Variants in ARRB2 observed in about 807,000 individuals in gnomAD.
ARRB2 encodes arrestin beta 2, also known as beta-arrestin-2.
In ARRB2, 21 loss-of-function variants were observed where a neutral mutation model predicts 53.4. The observed-to-expected ratio is 0.39, with a 90% confidence interval of 0.28 to 0.57. ARRB2 has a LOEUF of 0.57. Among genes scored for constraint, ARRB2 ranks in the 20% least tolerant of loss-of-function variants. ARRB2 has a pLI of 0.55. For synonymous variants in ARRB2, 180 were observed against 212.9 expected (o/e 0.85, Z 1.34); for missense variants, 369 against 527.5 (o/e 0.70, Z 2.94).
intron 1 of ARRB2, 92 bp downstream of exon 1, chr17:4,710,836 T>TG (rs1555558301): frequency 8.3e-6 from 3 of 360,084 alleles, no homozygotes; most frequent in African/African-American, 4.7e-5. Context: ...GGAGAGGATC[T>TG]GGGGGCCGGA....
At chr17:4,716,345 G>A (rs1482520528) in intron 4 of ARRB2, 67 bp from the exon 5 acceptor site, 12 of 1,612,134 alleles carry the variant, frequency 7.4e-6, no homozygotes, top group South Asian at 6.6e-5. Context: ...GAGGAGCAGC[G>A]GCTGCTAGGT....
chr17:4,717,794 C>T lies in ARRB2; in HGVS notation c.485+42C>T. 1 of 1,601,974 alleles carries T rather than the reference C, an allele frequency of 6.2e-7. No individual in the cohort carries two copies. Among genetic ancestry groups the T allele is most frequent in the Non-Finnish European group, 8.5e-7 (1 of 1,173,892 alleles). ...CCTCTGTGGTGTAAGAGGAGGCTTT[C>T]CTCCCCGCTTCCAGGAGCCCAGGCC... On this transcript the variant is annotated intron_variant, in intron 7 of 14. Coordinates refer to ENST00000269260, the MANE Select transcript of ARRB2 (RefSeq NM_004313.4). This position sits in a 1 kb window ranked among gnomAD's most constrained non-coding sequence, Gnocchi z 6.0.
At chr17:4,713,705 G>A (rs75281006) in intron 1 of ARRB2, among the ~76,000 whole-genome samples, 14 of 150,330 alleles carry the variant, frequency 9.3e-5, no homozygotes, top group Non-Finnish European at 1.8e-4. Context: ...CATGAGAATC[G>A]CTTGAACCCA....
intron 9 of ARRB2, 84 bp from the exon 10 acceptor site, chr17:4,718,528 G>T: frequency 7.0e-7 from 1 of 1,421,138 alleles, no homozygotes; most frequent in Non-Finnish European, 9.8e-7. Context: ...GAGCATGGGG[G>T]GGCCACGCCA....
Position 4,717,064 on chromosome 17 carries a change from C to T in ARRB2, c.358-153C>T. 1.2e-6 allele frequency: 1 copy of T among 853,194 alleles called. No individual in the cohort carries two copies. Among genetic ancestry groups the T allele is most frequent in the South Asian group, 1.5e-5 (1 of 68,154 alleles). The allele number at this position is 853,194 out of a possible 1,614,324, so 52.9% of individuals were successfully genotyped here. A position where few individuals can be genotyped will look rare whatever the true frequency, so the allele number is the denominator to read the frequency against. On this transcript the variant is annotated intron_variant, in intron 5 of 14. Coordinates refer to ENST00000269260, the MANE Select transcript of ARRB2 (RefSeq NM_004313.4). The surrounding 1 kb of genome is among the most constrained non-coding windows in gnomAD (Gnocchi z 6.0). ...GGTCAGGCTGGTCTGGAACCCCTGA[C>T]CTCAGGTGATCCGCCCACCTTAGCC... is the stretch of plus-strand genomic sequence containing the variant.
chr17:4,712,792 T>C (rs1914548943), intron 1 of ARRB2, among the ~76,000 whole-genome samples: 1 of 152,258 alleles, frequency 6.6e-6, no homozygotes, highest in African/African-American at 2.4e-5. Context: ...TTATGCCAAC[T>C]GCAGAGACAG....
chr17:4,720,122 T>C (rs1403037296), intron 11 of ARRB2, 94 bp from the exon 12 acceptor site: 1 of 1,338,822 alleles, frequency 7.5e-7, no homozygotes, highest in African/African-American at 1.5e-5. Flanking sequence ...CTGTGCGAGT[T>C]TGTGGTCCTG....
chr17:4,718,126 G>A lies in ARRB2; in HGVS notation c.621+103G>A, dbSNP rs143491318. On this transcript the variant is annotated intron_variant, in intron 8 of 14. Coordinates refer to ENST00000269260, the MANE Select transcript of ARRB2 (RefSeq NM_004313.4). Reference sequence around the variant, plus strand: ...GACATTTGTAAAGGAGGTTGCCTTGGCTGGGTGTGGACAGTTGCCGTGGGC... The same window carrying A: ...GACATTTGTAAAGGAGGTTGCCTTGACTGGGTGTGGACAGTTGCCGTGGGC... 1,758 of 1,571,110 alleles carry A rather than the reference G, an allele frequency of 1.1e-3. 14 individuals carry two copies. Among genetic ancestry groups the A allele is most frequent in the Middle Eastern group, 0.01 (60 of 5,882 alleles).
chr17:4,715,887 C>A, intron 2 of ARRB2, 86 bp from the exon 3 acceptor site: 1 of 1,481,334 alleles, frequency 6.8e-7, no homozygotes, highest in Non-Finnish European at 9.4e-7. Flanking sequence ...GCCTGGAGAT[C>A]CCCGGGCAGG....
In ARRB2 at chr17:4,717,542, G is replaced by T; in HGVS notation, c.418-143G>T. Reference sequence around the variant, plus strand: ...CCTCTGCCAGGTTCTGGGCTTTGGAGAGGAAGAAGACTTAGTCCCCAGGGT... The same window carrying T: ...CCTCTGCCAGGTTCTGGGCTTTGGATAGGAAGAAGACTTAGTCCCCAGGGT... On this transcript the variant is annotated intron_variant, in intron 6 of 14. Coordinates refer to ENST00000269260, the MANE Select transcript of ARRB2 (RefSeq NM_004313.4). The surrounding 1 kb of genome is among the most constrained non-coding windows in gnomAD (Gnocchi z 6.0). 1 of 1,154,412 alleles carries T rather than the reference G, an allele frequency of 8.7e-7. No individual in the cohort carries two copies. Among genetic ancestry groups the T allele is most frequent in the South Asian group, 1.3e-5 (1 of 74,430 alleles). 71.5% of individuals were successfully genotyped at this position (1,154,412 alleles called of 1,614,324 possible).
chr17:4,716,817 A>G, intron 5 of ARRB2: 1 of 873,226 alleles, frequency 1.1e-6, no homozygotes. Context: ...TCTCATCCCC[A>G]GGAGTCCTTT....
At position 4,716,529 on chromosome 17, in the gene ARRB2, A is replaced by G. The variant is rs775535314; in HGVS notation, c.278A>G (p.Asn93Ser). The G allele has an allele frequency of 1.9e-5, 29 of 1,520,798 alleles. No homozygotes were observed. Among genetic ancestry groups the G allele is most frequent in the Admixed American group, 1.1e-4 (6 of 57,136 alleles). 94.2% of individuals were successfully genotyped at this position (1,520,798 alleles called of 1,614,324 possible). A position where few individuals can be genotyped will look rare whatever the true frequency, so the allele number is the denominator to read the frequency against. The change falls in exon 5 of 15, where the codon AAC becomes AGC. Residue 93 changes from asparagine (N) to serine (S), a missense_variant. Transcript: ENST00000269260. ...ATYQAFPPVP[N>S]PPRPPTRLQD... Reference sequence around the variant, plus strand: ...TACCAGGCCTTCCCCCCGGTGCCCAACCCACCCCGGCCCCCCACCCGCCTG... The same window carrying G: ...TACCAGGCCTTCCCCCCGGTGCCCAGCCCACCCCGGCCCCCCACCCGCCTG...
chr17:4,716,067 C>A (rs777336045), intron 3 of ARRB2, 34 bp downstream of exon 3: 3 of 1,614,112 alleles, frequency 1.9e-6, no homozygotes, highest in Non-Finnish European at 2.5e-6. Context: ...GCTCGTTCCC[C>A]AAGAGGGGAA....
At position 4,717,104 on chromosome 17, in the gene ARRB2, G is replaced by A. The variant is rs1915152612; in HGVS notation, c.358-113G>A. 5.7e-6 allele frequency: 7 copies of A among 1,234,972 alleles called. No individual in the cohort carries two copies. The Admixed American group carries it at 1.2e-4, about 21-fold the overall frequency. The allele number at this position is 1,234,972 out of a possible 1,614,324, so 76.5% of individuals were successfully genotyped here. On this transcript the variant is annotated intron_variant, in intron 5 of 14. Coordinates refer to ENST00000269260, the MANE Select transcript of ARRB2 (RefSeq NM_004313.4). This position sits in a 1 kb window ranked among gnomAD's most constrained non-coding sequence, Gnocchi z 6.0. ...CCACCTTAGCCTTCCAAAGTGTTGG[G>A]ATTACAGGCATGAGCCACCACACCC...
Position 4,721,196 on chromosome 17 carries a change from C to A in ARRB2, c.*157C>A, listed in dbSNP as rs534696369. The A allele has an allele frequency of 5.7e-6, 4 of 695,852 alleles. No individual in the cohort carries two copies. Among genetic ancestry groups the A allele is most frequent in the Admixed American group, 2.8e-5 (1 of 35,606 alleles). The allele number at this position is 695,852 out of a possible 1,614,324, so 43.1% of individuals were successfully genotyped here. On this transcript the variant is annotated 3_prime_UTR_variant, in exon 15 of 15. Coordinates refer to ENST00000269260, the MANE Select transcript of ARRB2 (RefSeq NM_004313.4). The surrounding 1 kb of genome is among the most constrained non-coding windows in gnomAD (Gnocchi z 4.2). ...CCTTCACACTCTCTCCCCCATCCCC[C>A]CAAGATACACACTGGACCCTCTCTT...
rs765094176 is a variant in ARRB2, at chr17:4,718,252, C to T, written c.622-9C>T. 5 of 1,609,084 alleles carry T rather than the reference C, an allele frequency of 3.1e-6. No homozygotes were observed. The Admixed American group carries it at 5.1e-5, about 16-fold the overall frequency. Reference sequence around the variant, plus strand: ...AGTTCCAATTCACATGACCCCCTCCCCCCAAAAGCTGTACTACCATGGGGA... The same window carrying T: ...AGTTCCAATTCACATGACCCCCTCCTCCCAAAAGCTGTACTACCATGGGGA... On this transcript the variant is annotated splice_polypyrimidine_tract_variant and intron_variant, in intron 8 of 14. Coordinates refer to ENST00000269260, the MANE Select transcript of ARRB2 (RefSeq NM_004313.4).
rs1297412917 is a variant in ARRB2 at position 4,716,412 on chromosome 17, T to C, written c.161T>C (p.Val54Ala). ...VDPDYLKDRK[V>A]FVTLTCAFRY... ...CACTCATCTCACCCTCCCTTGCCAG[T>C]GTTTGTGACCCTCACCTGCGCCTTC... The change falls in exon 5 of 15, where the codon GTG (valine) becomes GCG (alanine). Residue 54 changes from valine (V) to alanine (A), a missense_variant and splice_region_variant. Val to Ala is a moderately conservative substitution (Grantham distance 64, BLOSUM62 0). Coordinates refer to ENST00000269260, the MANE Select transcript of ARRB2 (RefSeq NM_004313.4). 2.5e-6 allele frequency: 4 copies of C among 1,613,838 alleles called. No individual in the cohort carries two copies. Among genetic ancestry groups the C allele is most frequent in the Non-Finnish European group, 3.4e-6 (4 of 1,179,980 alleles).
rs1157254563 is a variant in ARRB2, at chr17:4,720,272, A to G, written c.974A>G (p.Lys325Arg). ...VLGILVSYRV[K>R]VKLVVSRGGD... is the part of the protein sequence containing the mutation. ...GGAATCCTGGTGTCCTACAGGGTCA[A>G]GGTGAAGCTGGTGGTGTCTCGAGGC... Residue 325 changes from lysine to arginine, a missense_variant, in exon 12 of 15, where the codon AAG becomes AGG. By Grantham distance (26) the Lys-to-Arg change is conservative (BLOSUM62 2). Transcript: ENST00000269260. 1.2e-6 allele frequency: 2 copies of G among 1,613,812 alleles called. No individual in the cohort carries two copies. Among genetic ancestry groups the G allele is most frequent in the African/African-American group, 2.7e-5 (2 of 74,854 alleles).
chr17:4,718,146 G>A lies in ARRB2; in HGVS notation c.622-115G>A, dbSNP rs539402416. On this transcript the variant is annotated intron_variant, in intron 8 of 14. Transcript: ENST00000269260. ...CCTTGGCTGGGTGTGGACAGTTGCC[G>A]TGGGCTTGGGTTTGAGGGGAGGGGG... is the stretch of plus-strand genomic sequence containing the variant. The A allele has an allele frequency of 1.9e-5, 29 of 1,553,504 alleles. 1 individual carries two copies. Among genetic ancestry groups the A allele is most frequent in the African/African-American group, 5.4e-5 (4 of 73,608 alleles).
Sources: gnomAD v4.1 joint callset for allele counts (sites outside exome capture counted in the v4.1 genomes callset) on GRCh38, gnomAD v4.1.1 for gene constraint, Gnocchi (gnomAD v3.1) non-coding constraint, MANE v1.5 for transcripts, NCBI Gene and HGNC (gene_info 2026-07-23, HGNC 2026-07-21) for gene names.